The following CDH18 variants were observed in gnomAD, a reference collection of about 807,000 sequenced individuals.
CDH18 encodes the protein cadherin-18.
Under a neutral mutation model 67.9 loss-of-function variants are expected in CDH18, and 31 were observed. That is an observed-to-expected ratio of 0.46 (90% CI 0.34 to 0.62). The LOEUF (loss-of-function observed/expected upper bound fraction) is 0.62, where lower values mean the gene tolerates loss of function less well. Ranked by LOEUF, CDH18 falls within the 20% of genes least tolerant of loss-of-function variation. The probability of loss-of-function intolerance (pLI) is 0.01; values close to 1 mark genes in which losing one functional copy is unlikely to be tolerated. For missense variants in CDH18, 890 were observed against 975.5 expected (o/e 0.91, Z 1.17); for synonymous variants, 362 against 347.2 (o/e 1.04, Z -0.48).
At chr5:19,583,907 T>C (rs1226811789) in intron 7 of CDH18, among the ~76,000 whole-genome samples, 1 of 152,206 alleles carries the variant, frequency 6.6e-6, no homozygotes, top group Non-Finnish European at 1.5e-5. Flanking sequence ...TTTAAAATTT[T>C]TTGGCTTAAG....
rs186825645 is a variant in CDH18 at position 20,467,008 on chromosome 5, T to G, written c.-580+108454A>C. Among the ~76,000 whole-genome samples, 379 of 152,234 alleles carry G rather than the reference T, an allele frequency of 2.5e-3. 1 individual carries two copies. The highest frequency in any genetic ancestry group is 8.4e-3 in the African/African-American group (347 of 41,540). On this transcript the variant is annotated intron_variant, in intron 1 of 14. Coordinates refer to the CDH18 transcript ENST00000507958. ...TAATATGAAATGGATAATGTCAGAA[T>G]TGAAGATCGCCTGGCAACATTTTAT...
intron 5 of CDH18, among the ~76,000 whole-genome samples, chr5:19,660,026 T>G (rs992314791): frequency 1.3e-5 from 2 of 152,098 alleles, no homozygotes; most frequent in African/African-American, 4.8e-5. Flanking sequence ...TGTTTCAATT[T>G]TACCCTTTAT....
intron 1 of CDH18, among the ~76,000 whole-genome samples, chr5:20,274,885 T>C (rs887718971): frequency 2.0e-5 from 3 of 152,078 alleles, no homozygotes; most frequent in Non-Finnish European, 4.4e-5. Context: ...CTACTTTGCA[T>C]TGTGATGGCC....
intron 5 of CDH18, among the ~76,000 whole-genome samples, chr5:19,672,794 A>G (rs752802778): frequency 2.6e-5 from 4 of 152,034 alleles, no homozygotes; most frequent in Non-Finnish European, 5.9e-5. Context: ...AAATAAAAAT[A>G]CAATTTTATT....
At chr5:19,987,323 T>C (rs1371278238) in intron 1 of CDH18, among the ~76,000 whole-genome samples, 2 of 149,980 alleles carry the variant, frequency 1.3e-5, no homozygotes, top group Non-Finnish European at 3.0e-5. Flanking sequence ...TTTGCAGACA[T>C]AAAAATCAAG....
intron 1 of CDH18, among the ~76,000 whole-genome samples, chr5:20,381,625 C>T (rs186991074): frequency 1.3e-5 from 2 of 152,152 alleles, no homozygotes; most frequent in African/African-American, 2.4e-5. Flanking sequence ...GATGTGTGCT[C>T]AGTCTTAGAA....
chr5:19,801,978 TC>T (rs1243531735), intron 3 of CDH18, among the ~76,000 whole-genome samples: 1 of 152,068 alleles, frequency 6.6e-6, no homozygotes, highest in Non-Finnish European at 1.5e-5. Context: ...ATCACCCTCA[TC>T]AATTTAATTA....
intron 2 of CDH18, among the ~76,000 whole-genome samples, chr5:20,098,201 G>T (rs1746154092): frequency 6.6e-6 from 1 of 151,888 alleles, no homozygotes; most frequent in African/African-American, 2.4e-5. Flanking sequence ...CTAAGGATAT[G>T]ATTTATCCTA....
intron 2 of CDH18, among the ~76,000 whole-genome samples, chr5:20,200,598 C>G (rs1739375546): frequency 6.6e-6 from 1 of 151,990 alleles, no homozygotes; most frequent in African/African-American, 2.4e-5. Flanking sequence ...TAGCTTGAGC[C>G]TGGGGAGGAT....
At chr5:20,361,595 T>A (rs1003743580) in intron 1 of CDH18, among the ~76,000 whole-genome samples, 1 of 152,108 alleles carries the variant, frequency 6.6e-6, no homozygotes, top group Admixed American at 6.5e-5. Context: ...CTAAAACAGA[T>A]AACTAAAATG....
chr5:19,577,034 A>G (rs1198976956), intron 7 of CDH18, among the ~76,000 whole-genome samples: 1 of 152,170 alleles, frequency 6.6e-6, no homozygotes, highest in African/African-American at 2.4e-5. Flanking sequence ...TATGGAATCT[A>G]AAGTCAAACT....
At chr5:20,482,833 A>G in intron 1 of CDH18, among the ~76,000 whole-genome samples, 1 of 152,062 alleles carries the variant, frequency 6.6e-6, no homozygotes, top group East Asian at 1.9e-4. Flanking sequence ...AATGGGGGAA[A>G]ACTGAAAGCC....
Position 20,060,262 on chromosome 5 carries a change from C to T in CDH18, c.-517-68248G>A, listed in dbSNP as rs527791100. Among the ~76,000 whole-genome samples, 11 of 152,032 alleles carry T rather than the reference C, an allele frequency of 7.2e-5. No individual in the cohort carries two copies. The South Asian group carries it at 2.1e-3, about 29-fold the overall frequency. On this transcript the variant is annotated intron_variant, in intron 2 of 14. Transcript: ENST00000507958. ...GGCAGATCACCTGAGGTCAGGAGTT[C>T]GGGACCAGCCTAGCCAACATGATGA...
rs762344025 is a variant in CDH18 at position 19,776,461 on chromosome 5, AAG to A, written c.229-29227_229-29226del. 1.4e-4 allele frequency among the ~76,000 whole-genome samples: 21 copies of A among 152,298 alleles called. No homozygotes were observed. In the East Asian group the frequency reaches 2.5e-3, roughly 18 times the overall value. ...ATTTACAGGCACTCAGTATTGAAGA[AAG>A]AGGAGGAAGAGGATGGAAAGAAAGA... On this transcript the variant is annotated intron_variant, in intron 3 of 12. Coordinates refer to ENST00000382275, the MANE Select transcript of CDH18 (RefSeq NM_004934.5).
intron 6 of CDH18, among the ~76,000 whole-genome samples, chr5:19,610,158 G>C (rs948145339): frequency 1.3e-5 from 2 of 152,022 alleles, no homozygotes; most frequent in Non-Finnish European, 2.9e-5. Flanking sequence ...AGAACACCTT[G>C]AAATGCAGCA....
chr5:19,555,558 C>G (rs1738250511), intron 8 of CDH18, among the ~76,000 whole-genome samples: 1 of 152,160 alleles, frequency 6.6e-6, no homozygotes, highest in South Asian at 2.1e-4. Flanking sequence ...CATAATCCCC[C>G]TGGGAATATA....
intron 2 of CDH18, among the ~76,000 whole-genome samples, chr5:19,936,308 A>G (rs973359625): frequency 1.1e-4 from 17 of 151,250 alleles, no homozygotes; most frequent in Non-Finnish European, 2.1e-4. Context: ...GTTAAAGAGC[A>G]CTTTCTTTTT....
At chr5:19,997,943 C>A (rs917185395) in intron 2 of CDH18, among the ~76,000 whole-genome samples, 6 of 152,126 alleles carry the variant, frequency 3.9e-5, no homozygotes, top group Non-Finnish European at 7.4e-5. Flanking sequence ...GAGAGCATGA[C>A]AGGGTGTTTA....
intron 1 of CDH18, among the ~76,000 whole-genome samples, chr5:20,543,441 T>C (rs1001798365): frequency 6.6e-6 from 1 of 152,134 alleles, no homozygotes; most frequent in Non-Finnish European, 1.5e-5. Flanking sequence ...TTAGCATACA[T>C]ACTTTAGTGT....
Sources: gnomAD v4.1 joint callset for allele counts (sites outside exome capture counted in the v4.1 genomes callset) on GRCh38, gnomAD v4.1.1 for gene constraint, MANE v1.5 for transcripts, NCBI Gene and HGNC (gene_info 2026-07-23, HGNC 2026-07-21) for gene names.